Variants in NAA60 observed in about 807,000 individuals in gnomAD.
NAA60 encodes the protein N-alpha-acetyltransferase 60, NatF catalytic subunit.
In NAA60, 8 loss-of-function variants were observed where a neutral mutation model predicts 26.1. The ratio of observed to expected loss-of-function variants is 0.31; its 90% CI spans 0.18 to 0.55. The LOEUF (loss-of-function observed/expected upper bound fraction) is 0.55, where lower values mean the gene tolerates loss of function less well. Ranked by LOEUF, NAA60 falls within the 20% of genes least tolerant of loss-of-function variation. The pLI is 0.93. For missense variants in NAA60, 290 were observed against 311.3 expected (o/e 0.93, Z 0.51); for synonymous variants, 131 against 122.5 (o/e 1.07, Z -0.46).
At chr16:3,471,314 A>T (rs1408149999) in intron 2 of NAA60, among the ~76,000 whole-genome samples, 2 of 152,114 alleles carry the variant, frequency 1.3e-5, no homozygotes, top group African/African-American at 4.8e-5. Context: ...ATCCTGGCTA[A>T]CAAGGTGAAA....
chr16:3,477,948 C>G (rs1478197907), intron 3 of NAA60, among the ~76,000 whole-genome samples: 1 of 152,038 alleles, frequency 6.6e-6, no homozygotes, highest in African/African-American at 2.4e-5. Context: ...ACCTGTAATC[C>G]CAGCTACTCG....
chr16:3,458,047 C>T (rs1175579609), intron 2 of NAA60: 28 of 985,176 alleles, frequency 2.8e-5, no homozygotes, highest in South Asian at 4.7e-5. Flanking sequence ...GGGCTGCCGC[C>T]TCCGTCCCGG....
intron 1 of NAA60, among the ~76,000 whole-genome samples, chr16:3,444,087 G>A (rs570423906): frequency 6.6e-6 from 1 of 152,332 alleles, no homozygotes; most frequent in East Asian, 1.9e-4. Flanking sequence ...CGCAGCTGCA[G>A]CCTAAGCGAG....
chr16:3,471,581 G>T (rs923764525), intron 2 of NAA60, among the ~76,000 whole-genome samples: 1 of 152,158 alleles, frequency 6.6e-6, no homozygotes, highest in African/African-American at 2.4e-5. Context: ...CATCCACGGA[G>T]GTCAAGGCCT....
chr16:3,457,876 G>A, intron 2 of NAA60: 9 of 717,412 alleles, frequency 1.3e-5, no homozygotes, highest in Non-Finnish European at 1.5e-5. Flanking sequence ...CCCCGCATAC[G>A]GGATCCTGGG....
intron 3 of NAA60, 77 bp downstream of exon 3, chr16:3,476,414 C>G (rs1366968484): frequency 8.2e-7 from 1 of 1,216,370 alleles, no homozygotes; most frequent in Non-Finnish European, 1.2e-6. Flanking sequence ...GGGTGGGGGC[C>G]TCTTGGGCCC....
intron 2 of NAA60, among the ~76,000 whole-genome samples, chr16:3,466,802 G>A (rs953746911): frequency 6.6e-6 from 1 of 152,170 alleles, no homozygotes. Flanking sequence ...TGGAGTTTGG[G>A]GTGGGGATTC....
intron 2 of NAA60, chr16:3,468,132 T>C (rs1596322816): frequency 6.6e-6 from 1 of 152,222 alleles, no homozygotes; most frequent in East Asian, 1.9e-4. Flanking sequence ...ATCTGATTCA[T>C]TGTGGAAAGC....
At chr16:3,462,627 G>A (rs1020733948) in intron 2 of NAA60, 1 of 152,066 alleles carries the variant, frequency 6.6e-6, no homozygotes, top group South Asian at 2.1e-4. Context: ...AGTTGACATG[G>A]CATGAACATA....
intron 2 of NAA60, among the ~76,000 whole-genome samples, chr16:3,456,349 GT>G (rs1260648996): frequency 6.6e-6 from 1 of 152,072 alleles, no homozygotes; most frequent in African/African-American, 2.4e-5. Context: ...AGGCACCTGA[GT>G]TTTGCCTGTT....
rs1331228264 is a variant in NAA60, at chr16:3,485,815, G to C, written c.*555G>C. On this transcript the variant is annotated 3_prime_UTR_variant, in exon 8 of 8. Coordinates refer to ENST00000407558, the MANE Select transcript of NAA60 (RefSeq NM_001083601.3). ...AGGAGTGGCCCCCACTCCTCCATGA[G>C]GGGCTGATGAGGGGTGGGCAGCCTG... 1 of 378,906 alleles carries C rather than the reference G, an allele frequency of 2.6e-6. No homozygotes were observed. The allele number at this position is 378,906 out of a possible 1,614,324, so 23.5% of individuals were successfully genotyped here.
At chr16:3,464,474 C>T (rs1445363421) in intron 2 of NAA60, among the ~76,000 whole-genome samples, 1 of 152,160 alleles carries the variant, frequency 6.6e-6, no homozygotes, top group Non-Finnish European at 1.5e-5. Flanking sequence ...TGAAACCCGA[C>T]CCTCTCTTGC....
chr16:3,443,961 G>T, intron 1 of NAA60, 124 bp downstream of exon 1: 1 of 1,387,774 alleles, frequency 7.2e-7, no homozygotes. Flanking sequence ...TGAGCGGATG[G>T]TGGGGCCGTG....
chr16:3,464,868 C>A (rs2035638751), intron 2 of NAA60, among the ~76,000 whole-genome samples: 1 of 152,182 alleles, frequency 6.6e-6, no homozygotes, highest in African/African-American at 2.4e-5. Flanking sequence ...GCTTTGGCAG[C>A]CACCCTGTTG....
chr16:3,455,496 G>A (rs560220490), intron 2 of NAA60, among the ~76,000 whole-genome samples: 10 of 146,360 alleles, frequency 6.8e-5, no homozygotes, highest in Admixed American at 2.8e-4. Flanking sequence ...CTGGGTTCAC[G>A]CCATTCTCCT....
In NAA60 at chr16:3,448,560, G is replaced by A; in HGVS notation, c.-7+20G>A. The stretch of plus-strand genomic sequence containing the variant: ...CAGAGAGTGAGTCAAAGCGCTCTGT[G>A]TCCTGCTATTAATGATGCCCTCATA... On this transcript the variant is annotated intron_variant, in intron 2 of 7. Transcript: ENST00000407558. 1 of 1,532,024 alleles carries A rather than the reference G, an allele frequency of 6.5e-7. No individual in the cohort carries two copies. The highest frequency in any genetic ancestry group is 1.7e-4 in the Middle Eastern group (1 of 5,974). The allele number at this position is 1,532,024 out of a possible 1,614,324, so 94.9% of individuals were successfully genotyped here. A position where few individuals can be genotyped will look rare whatever the true frequency, so the allele number is the denominator to read the frequency against.
chr16:3,457,852 G>A, intron 2 of NAA60: 1 of 477,252 alleles, frequency 2.1e-6, no homozygotes, highest in Non-Finnish European at 2.7e-6. Flanking sequence ...GGAAGGAGCC[G>A]GCCCTCACCA....
intron 7 of NAA60, 98 bp from the exon 8 acceptor site, chr16:3,485,369 G>C (rs533953772): frequency 2.1e-6 from 1 of 473,128 alleles, no homozygotes; most frequent in South Asian, 1.5e-5. Flanking sequence ...TGCTCCTGGA[G>C]CACCCAGGCC....
At chr16:3,480,572 G>A (rs1193082646) in intron 4 of NAA60, among the ~76,000 whole-genome samples, 9 of 150,422 alleles carry the variant, frequency 6.0e-5, no homozygotes, top group East Asian at 2.0e-4. Context: ...ACTCCAGCCC[G>A]AGGGACAAAA....
Sources: gnomAD v4.1 joint callset for allele counts (sites outside exome capture counted in the v4.1 genomes callset) on GRCh38, gnomAD v4.1.1 for gene constraint, MANE v1.5 for transcripts, NCBI Gene and HGNC (gene_info 2026-07-23, HGNC 2026-07-21) for gene names.